Variants in SPATA16 observed in about 807,000 individuals in gnomAD.
SPATA16 encodes the protein spermatogenesis associated 16.
Under a neutral mutation model 63.3 loss-of-function variants are expected in SPATA16, and 36 were observed. The observed-to-expected ratio is 0.57, with a 90% CI of 0.44 to 0.75. The LOEUF is 0.75. Ranked by LOEUF, SPATA16 falls within the 30% of genes least tolerant of loss-of-function variation. SPATA16 has a pLI of 0.00. For synonymous variants in SPATA16, 203 were observed against 216.7 expected (o/e 0.94, Z 0.56); for missense variants, 646 against 679.3 (o/e 0.95, Z 0.54).
Position 173,006,380 on chromosome 3 carries a change from A to G in SPATA16, c.848+13106T>C, listed in dbSNP as rs184142243. ...TCAGGCAGATGGCCAGTTTAAGAAT[A>G]AAAATTAGCCAGCCTGTAGGCTTCA... On this transcript the variant is annotated intron_variant, in intron 4 of 10. Transcript: ENST00000351008. 2.9e-3 allele frequency among the ~76,000 whole-genome samples: 446 copies of G among 152,354 alleles called. 2 individuals carry two copies. Among genetic ancestry groups the G allele is most frequent in the African/African-American group, 0.01 (428 of 41,580 alleles).
chr3:173,085,773 C>A (rs1737035411), intron 2 of SPATA16, among the ~76,000 whole-genome samples: 1 of 152,092 alleles, frequency 6.6e-6, no homozygotes, highest in Non-Finnish European at 1.5e-5. Context: ...TTGAGATAAT[C>A]ATATGGTTTT....
At chr3:173,074,579 G>T (rs1365686258) in intron 2 of SPATA16, among the ~76,000 whole-genome samples, 1 of 152,064 alleles carries the variant, frequency 6.6e-6, no homozygotes, top group African/African-American at 2.4e-5. Flanking sequence ...TGAGACCCCT[G>T]TCCCCAAGCC....
At chr3:172,916,577 T>A in intron 8 of SPATA16, 96 bp from the exon 9 acceptor site, 1 of 1,304,058 alleles carries the variant, frequency 7.7e-7, no homozygotes, top group Non-Finnish European at 1.1e-6. Context: ...CGTATTTACA[T>A]CTTTTGAAAT....
chr3:173,126,377 T>G (rs1375220812), intron 1 of SPATA16, among the ~76,000 whole-genome samples: 4 of 152,306 alleles, frequency 2.6e-5, no homozygotes, highest in Middle Eastern at 6.8e-3. Flanking sequence ...TCAGCGTACT[T>G]TAGAGACCTT....
chr3:173,085,998 G>T (rs528471110), intron 2 of SPATA16, among the ~76,000 whole-genome samples: 4 of 150,796 alleles, frequency 2.7e-5, no homozygotes, highest in African/African-American at 7.3e-5. Flanking sequence ...TCTTTCTTTT[G>T]TTTTTTTTGT....
chr3:173,053,450 G>A (rs1299079425), intron 2 of SPATA16, among the ~76,000 whole-genome samples: 1 of 151,938 alleles, frequency 6.6e-6, no homozygotes. Flanking sequence ...TTTTAATAAG[G>A]TTTCTCAAAG....
At chr3:172,947,529 A>ACAACCG in intron 6 of SPATA16, among the ~76,000 whole-genome samples, 1 of 129,510 alleles carries the variant, frequency 7.7e-6, no homozygotes, top group African/African-American at 5.0e-5. Context: ...GAATATCTGA[A>ACAACCG]TATTGTTTAC....
intron 4 of SPATA16, among the ~76,000 whole-genome samples, chr3:173,015,021 C>G (rs1303182294): frequency 6.6e-6 from 1 of 151,688 alleles, no homozygotes; most frequent in African/African-American, 2.4e-5. Flanking sequence ...TTATCTAGCC[C>G]ATGCATGTAG....
At chr3:172,953,073 C>T (rs546516365) in intron 6 of SPATA16, among the ~76,000 whole-genome samples, 1 of 152,178 alleles carries the variant, frequency 6.6e-6, no homozygotes, top group Non-Finnish European at 1.5e-5. Context: ...AGTCAGCCTT[C>T]CATTCCACAA....
intron 2 of SPATA16, among the ~76,000 whole-genome samples, chr3:173,109,206 C>T (rs1388863183): frequency 6.6e-6 from 1 of 152,104 alleles, no homozygotes; most frequent in Non-Finnish European, 1.5e-5. Flanking sequence ...CCTCATTTGG[C>T]CCCCTCTTCC....
At chr3:173,131,592 T>A (rs544191020) in intron 1 of SPATA16, among the ~76,000 whole-genome samples, 11 of 152,268 alleles carry the variant, frequency 7.2e-5, no homozygotes. Context: ...GAAAGCCAAT[T>A]TCTGGGCATT....
At chr3:173,072,608 A>G (rs1736700262) in intron 2 of SPATA16, among the ~76,000 whole-genome samples, 1 of 152,188 alleles carries the variant, frequency 6.6e-6, no homozygotes, top group Non-Finnish European at 1.5e-5. Context: ...CTGCCACCAT[A>G]TAAGACATGG....
chr3:173,134,536 A>C (rs1738485709), intron 1 of SPATA16, among the ~76,000 whole-genome samples: 1 of 152,014 alleles, frequency 6.6e-6, no homozygotes, highest in South Asian at 2.1e-4. Flanking sequence ...GCTGCCTCGC[A>C]TGTTTGGTCT....
chr3:173,027,830 A>AAG (rs1400242490), intron 3 of SPATA16, among the ~76,000 whole-genome samples: 3 of 151,744 alleles, frequency 2.0e-5, no homozygotes. Context: ...TTCCCCAGAG[A>AAG]CATATGTTTT....
chr3:173,117,381 T>C lies in SPATA16; in HGVS notation c.351A>G (p.Leu117=). The change falls in exon 2 of 11, where the codon TTA becomes TTG. Residue 117 remains leucine, a synonymous_variant. Transcript: ENST00000351008. ...TCATTTCCACATCCATTATGTTCTT[T>C]AAGGGGATGTGAGGCAGAGGCATGG... ...LITMPLPHIP[L]KNIMDVEMKL... 1 of 1,614,200 alleles carries C rather than the reference T, an allele frequency of 6.2e-7. No individual in the cohort carries two copies. The highest frequency in any genetic ancestry group is 8.5e-7 in the Non-Finnish European group (1 of 1,180,010).
At chr3:172,998,674 G>GT (rs970182790) in intron 4 of SPATA16, among the ~76,000 whole-genome samples, 1 of 152,026 alleles carries the variant, frequency 6.6e-6, no homozygotes, top group African/African-American at 2.4e-5. Flanking sequence ...TTAGCTGTAG[G>GT]TTTTTTGTAG....
intron 6 of SPATA16, among the ~76,000 whole-genome samples, chr3:172,943,053 C>G (rs1733193607): frequency 6.6e-6 from 1 of 152,028 alleles, no homozygotes. Context: ...AATTTATAGT[C>G]TTTACTAAAA....
intron 9 of SPATA16, among the ~76,000 whole-genome samples, chr3:172,914,614 G>A (rs1732439183): frequency 6.6e-6 from 1 of 152,014 alleles, no homozygotes; most frequent in South Asian, 2.1e-4. Flanking sequence ...TAATTCTCTA[G>A]GTTAACCCAC....
chr3:173,128,001 C>T (rs1255863751), intron 1 of SPATA16, among the ~76,000 whole-genome samples: 1 of 152,160 alleles, frequency 6.6e-6, no homozygotes, highest in African/African-American at 2.4e-5. Context: ...GAGGGCTAGT[C>T]ACCATCAAAG....
Sources: gnomAD v4.1 joint callset for allele counts (sites outside exome capture counted in the v4.1 genomes callset) on GRCh38, gnomAD v4.1.1 for gene constraint, MANE v1.5 for transcripts, NCBI Gene and HGNC (gene_info 2026-07-23, HGNC 2026-07-21) for gene names.